The following PALM2AKAP2 variants were observed in gnomAD, a reference collection of about 807,000 sequenced individuals.
The protein encoded by PALM2AKAP2 is PALM2-AKAP2 fusion protein.
Under a neutral mutation model 71.5 loss-of-function variants are expected in PALM2AKAP2, and 37 were observed. The ratio of observed to expected loss-of-function variants is 0.52; its 90% CI spans 0.40 to 0.68. The LOEUF (loss-of-function observed/expected upper bound fraction) is 0.68. PALM2AKAP2 is among the 30% of genes least tolerant of loss of function. The pLI, the probability that PALM2AKAP2 is intolerant of heterozygous loss-of-function variation, is 0.00. For missense variants in PALM2AKAP2, 1,224 were observed against 1,191.8 expected (o/e 1.03, Z -0.40); for synonymous variants, 468 against 478.8 (o/e 0.98, Z 0.29).
chr9:109,834,556 C>A (rs1334414362), intron 1 of PALM2AKAP2, among the ~76,000 whole-genome samples: 1 of 151,926 alleles, frequency 6.6e-6, no homozygotes, highest in Admixed American at 6.5e-5. Flanking sequence ...TGGGGGATTG[C>A]CTTGGAAAAT....
intron 1 of PALM2AKAP2, among the ~76,000 whole-genome samples, chr9:110,095,861 C>T (rs1051753056): frequency 5.9e-5 from 9 of 152,104 alleles, no homozygotes; most frequent in Admixed American, 2.6e-4. Context: ...TTGGCCAGGC[C>T]GCTTCTTGTC....
intron 6 of PALM2AKAP2, among the ~76,000 whole-genome samples, chr9:109,993,597 T>C (rs1355746808): frequency 2.0e-5 from 3 of 152,202 alleles, no homozygotes; most frequent in African/African-American, 7.2e-5. Context: ...ATTGGAGTGC[T>C]ATTAACATAA....
At chr9:109,914,791 A>G (rs1232845594) in intron 3 of PALM2AKAP2, among the ~76,000 whole-genome samples, 4 of 152,160 alleles carry the variant, frequency 2.6e-5, no homozygotes, top group African/African-American at 7.2e-5. Flanking sequence ...CTCAATAGTG[A>G]GTTATTTCAT....
chr9:109,817,539 G>T (rs1827884322), intron 1 of PALM2AKAP2, among the ~76,000 whole-genome samples: 1 of 152,176 alleles, frequency 6.6e-6, no homozygotes, highest in South Asian at 2.1e-4. Context: ...AGACAGTCTA[G>T]GCTTGTGTAA....
intron 1 of PALM2AKAP2, among the ~76,000 whole-genome samples, chr9:109,861,604 A>G (rs1243023145): frequency 6.6e-6 from 1 of 152,136 alleles, no homozygotes; most frequent in African/African-American, 2.4e-5. Flanking sequence ...GTCATTCCAG[A>G]TGTCTCTTGA....
chr9:110,137,033 A>G, exon 2 of PALM2AKAP2: 1 of 1,614,124 alleles, frequency 6.2e-7, no homozygotes, highest in Non-Finnish European at 8.5e-7. Context: ...CAAAAAGTAC[A>G]AGGAGCGCAA....
At chr9:109,768,407 G>C (rs754894111) in intron 1 of PALM2AKAP2, among the ~76,000 whole-genome samples, 3 of 152,042 alleles carry the variant, frequency 2.0e-5, no homozygotes, top group Non-Finnish European at 2.9e-5. Flanking sequence ...ACATATGTAT[G>C]GGATTTATGT....
At chr9:109,671,760 C>G (rs1008608435) in intron 1 of PALM2AKAP2, among the ~76,000 whole-genome samples, 4 of 152,086 alleles carry the variant, frequency 2.6e-5, no homozygotes, top group Admixed American at 1.3e-4. Flanking sequence ...TGCATCATCT[C>G]TGATTTCTTT....
At chr9:109,973,993 C>G (rs997846845) in intron 6 of PALM2AKAP2, among the ~76,000 whole-genome samples, 3 of 152,212 alleles carry the variant, frequency 2.0e-5, no homozygotes, top group African/African-American at 7.2e-5. Flanking sequence ...AGACACTCTT[C>G]CTACTCTCAT....
In PALM2AKAP2 at chr9:110,025,731, T is replaced by G. The variant is rs547488188; in HGVS notation, c.582+9692T>G. Among the ~76,000 whole-genome samples the G allele has an allele frequency of 8.1e-4, 124 of 152,360 alleles. 1 individual carries two copies. Among genetic ancestry groups the G allele is most frequent in the African/African-American group, 2.8e-3 (118 of 41,598 alleles). On this transcript the variant is annotated intron_variant, in intron 7 of 9. Transcript: ENST00000302798. ...GTCCATCTTTTGATTATAACCATCC[T>G]AGTGGGTGTGGAGTCGTATGTCATT...
At chr9:109,925,040 G>A (rs754873446) in intron 4 of PALM2AKAP2, 21 bp from the exon 5 acceptor site, 10 of 1,614,130 alleles carry the variant, frequency 6.2e-6, no homozygotes, top group Non-Finnish European at 7.6e-6. Context: ...GTAACGCTCT[G>A]CCTTGTTTTT....
At chr9:110,096,965 T>A (rs887407142) in intron 1 of PALM2AKAP2, among the ~76,000 whole-genome samples, 3 of 150,978 alleles carry the variant, frequency 2.0e-5, no homozygotes, top group Non-Finnish European at 4.4e-5. Context: ...TATTTATTAT[T>A]TTTTTTATTG....
upstream of PALM2AKAP2, chr9:109,780,372 C>A: frequency 2.5e-6 from 4 of 1,596,238 alleles, no homozygotes; most frequent in Admixed American, 5.1e-5. Flanking sequence ...CCCAGCCGTC[C>A]CTGGGCGTTC....
intron 1 of PALM2AKAP2, among the ~76,000 whole-genome samples, chr9:109,740,441 A>C (rs557913902): frequency 6.6e-6 from 1 of 152,226 alleles, no homozygotes; most frequent in South Asian, 2.1e-4. Context: ...ACCTGATGGA[A>C]GGGAAGAAAC....
chr9:110,015,555 G>A (rs1008306321), intron 6 of PALM2AKAP2, among the ~76,000 whole-genome samples: 3 of 152,128 alleles, frequency 2.0e-5, no homozygotes, highest in Non-Finnish European at 2.9e-5. Flanking sequence ...GCAGTGAGCC[G>A]AGATCATGCC....
chr9:109,705,875 A>G (rs1828135906), intron 1 of PALM2AKAP2, among the ~76,000 whole-genome samples: 1 of 152,196 alleles, frequency 6.6e-6, no homozygotes, highest in African/African-American at 2.4e-5. Context: ...TTCTTACTCC[A>G]TAGGTCAATT....
chr9:109,955,300 G>C (rs1204794582), intron 6 of PALM2AKAP2, among the ~76,000 whole-genome samples: 1 of 152,168 alleles, frequency 6.6e-6, no homozygotes, highest in East Asian at 1.9e-4. Context: ...CAAGCAGAAA[G>C]CTAATGCCAG....
At chr9:109,779,843 C>T, upstream of PALM2AKAP2, among the ~76,000 whole-genome samples, 1 of 152,202 alleles carries the variant, frequency 6.6e-6, no homozygotes, top group Admixed American at 6.5e-5. Context: ...TCGGTGGCCC[C>T]AGCCCCCACG....
At chr9:109,935,408 A>T (rs1177977660) in intron 6 of PALM2AKAP2, among the ~76,000 whole-genome samples, 1 of 152,254 alleles carries the variant, frequency 6.6e-6, no homozygotes, top group African/African-American at 2.4e-5. Context: ...GGGTATGATC[A>T]TGCAACCACT....
Sources: gnomAD v4.1 joint callset for allele counts (sites outside exome capture counted in the v4.1 genomes callset) on GRCh38, gnomAD v4.1.1 for gene constraint, MANE v1.5 for transcripts, NCBI Gene and HGNC (gene_info 2026-07-23, HGNC 2026-07-21) for gene names.